Variants in ADAMTSL1 observed in about 807,000 individuals in gnomAD.
The protein encoded by ADAMTSL1 is ADAMTS like 1.
In ADAMTSL1, 126 loss-of-function variants were observed where a neutral mutation model predicts 201.8. That is an observed-to-expected ratio of 0.62 (90% CI 0.54 to 0.72). ADAMTSL1 has a LOEUF of 0.72. Ranked by LOEUF, ADAMTSL1 falls within the 30% of genes least tolerant of loss-of-function variation. The pLI is 0.00. For synonymous variants in ADAMTSL1, 1,121 were observed against 903.4 expected (o/e 1.24, Z -4.32); for missense variants, 2,679 against 2,277.8 (o/e 1.18, Z -3.59).
At chr9:17,941,131 T>C (rs1373726091) in intron 1 of ADAMTSL1, among the ~76,000 whole-genome samples, 1 of 152,086 alleles carries the variant, frequency 6.6e-6, no homozygotes, top group Non-Finnish European at 1.5e-5. Flanking sequence ...GTTCTGAGGC[T>C]AAGCATGTTT....
intron 1 of ADAMTSL1, among the ~76,000 whole-genome samples, chr9:18,011,905 G>A (rs1011087277): frequency 6.6e-6 from 1 of 152,026 alleles, no homozygotes; most frequent in African/African-American, 2.4e-5. Flanking sequence ...AGCAATCGAA[G>A]AGAGTTGCCG....
intron 1 of ADAMTSL1, among the ~76,000 whole-genome samples, chr9:17,966,126 A>G (rs1006742815): frequency 4.6e-5 from 7 of 152,144 alleles, no homozygotes; most frequent in African/African-American, 1.7e-4. Flanking sequence ...AGCTTCTTGG[A>G]TAGATCCAGA....
Position 18,775,916 on chromosome 9 carries a change from G to T in ADAMTSL1, c.2551+20G>T. 1.9e-6 allele frequency: 3 copies of T among 1,576,358 alleles called. No individual in the cohort carries two copies. The highest frequency in any genetic ancestry group is 4.7e-5 in the East Asian group (2 of 42,952). On this transcript the variant is annotated intron_variant, in intron 18 of 28. Coordinates refer to ENST00000380548, the MANE Select transcript of ADAMTSL1 (RefSeq NM_001040272.6). ...GTGCAAGTAAGTATGTCAGGGCTCT[G>T]GGAATGGGGAGATGAAACCCACACA...
chr9:18,194,299 C>T (rs112368602), intron 2 of ADAMTSL1, among the ~76,000 whole-genome samples: 63 of 152,020 alleles, frequency 4.1e-4, no homozygotes, highest in African/African-American at 1.5e-3. Flanking sequence ...TATTTACAGG[C>T]AGAAAGGAAG....
intron 1 of ADAMTSL1, among the ~76,000 whole-genome samples, chr9:18,009,322 C>G (rs568852542): frequency 2.0e-5 from 3 of 152,016 alleles, no homozygotes; most frequent in African/African-American, 4.8e-5. Context: ...GGCTTGTCAT[C>G]CATTCTCTGG....
intron 2 of ADAMTSL1, among the ~76,000 whole-genome samples, chr9:18,387,848 T>G (rs10124682): frequency 0.97 from 146,952 of 152,152 alleles, 71,183 homozygotes; most frequent in East Asian, 1. Flanking sequence ...TTTTTTGTTT[T>G]ATCTATCTAT....
chr9:18,062,469 A>G (rs909704634), intron 1 of ADAMTSL1, among the ~76,000 whole-genome samples: 1 of 152,300 alleles, frequency 6.6e-6, no homozygotes, highest in East Asian at 1.9e-4. Context: ...AAATTATACA[A>G]TAATCAATTA....
chr9:18,887,902 A>T lies in ADAMTSL1; in HGVS notation c.4321A>T (p.Thr1441Ser), dbSNP rs778696904. Residue 1441 changes from threonine (T) to serine (S), a missense_variant, in exon 24 of 29, where the codon ACA (threonine) becomes TCA (serine). By Grantham distance (58) the Thr-to-Ser change is moderately conservative. Coordinates refer to ENST00000380548, the MANE Select transcript of ADAMTSL1 (RefSeq NM_001040272.6). ...TGGTGGTCAGCCAATTGTCACTGCC[A>T]CAGGACTGACGCATCACATCTTGGC... ...FHGGQPIVTA[T>S]GLTHHILAAG... is the part of the protein sequence containing the mutation. The T allele has an allele frequency of 1.9e-6, 3 of 1,613,896 alleles. No homozygotes were observed. In the African/African-American group the frequency reaches 4.0e-5, roughly 22 times the overall value.
At chr9:18,727,675 T>C (rs2507117) in intron 15 of ADAMTSL1, among the ~76,000 whole-genome samples, 125,318 of 152,240 alleles carry the variant, frequency 0.82, 51,849 homozygotes, top group Admixed American at 0.89. Context: ...CTAAAATGTT[T>C]ATTTTTCCTA....
At chr9:18,391,773 G>A (rs1417602646) in intron 2 of ADAMTSL1, among the ~76,000 whole-genome samples, 1 of 146,568 alleles carries the variant, frequency 6.8e-6, no homozygotes, top group Admixed American at 6.8e-5. Context: ...ATGATTTTTT[G>A]TTGTTGTTGT....
intron 19 of ADAMTSL1, among the ~76,000 whole-genome samples, chr9:18,782,988 G>T (rs542335149): frequency 1.6e-4 from 24 of 152,276 alleles, no homozygotes; most frequent in Middle Eastern, 6.8e-3. Context: ...ACTACAGGAA[G>T]AATTTGGAGG....
chr9:18,559,371 T>G (rs1342123581), intron 3 of ADAMTSL1, among the ~76,000 whole-genome samples: 1 of 152,212 alleles, frequency 6.6e-6, no homozygotes, highest in Non-Finnish European at 1.5e-5. Context: ...TCTATATATC[T>G]GTTTTGGTAC....
chr9:17,989,451 A>C (rs1819062611), intron 1 of ADAMTSL1, among the ~76,000 whole-genome samples: 1 of 151,984 alleles, frequency 6.6e-6, no homozygotes, highest in Non-Finnish European at 1.5e-5. Flanking sequence ...AGAGTGTTTT[A>C]AAAAATCACT....
At position 18,777,681 on chromosome 9, in the gene ADAMTSL1, G is replaced by C. The variant is rs747017223; in HGVS notation, c.3452G>C (p.Gly1151Ala). ...FSSSLRTSST[G>A]DAGGGSRRPH... ...AGCTCCCTGCGGACCTCCTCCACCG[G>C]GGACGCCGGGGGAGGCTCTCGAAGG... The change falls in exon 19 of 29, where the codon GGG becomes GCG. Residue 1151 changes from glycine to alanine, a missense_variant. By Grantham distance (60) the Gly-to-Ala change is moderately conservative. Transcript: ENST00000380548. The C allele has an allele frequency of 8.7e-6, 14 of 1,613,296 alleles. No individual in the cohort carries two copies. In the African/African-American group the frequency reaches 1.9e-4, roughly 22 times the overall value.
At chr9:18,800,055 G>T (rs1822686262) in intron 20 of ADAMTSL1, among the ~76,000 whole-genome samples, 1 of 152,032 alleles carries the variant, frequency 6.6e-6, no homozygotes, top group Non-Finnish European at 1.5e-5. Context: ...GGCTAACAAA[G>T]GAAGATTTGC....
At chr9:18,390,771 C>T (rs1183224212) in intron 2 of ADAMTSL1, among the ~76,000 whole-genome samples, 1 of 151,852 alleles carries the variant, frequency 6.6e-6, no homozygotes. Flanking sequence ...TTCTAGCATA[C>T]AGATAAATAC....
At chr9:18,890,900 G>A (rs1241724071) in intron 25 of ADAMTSL1, 1 of 264,944 alleles carries the variant, frequency 3.8e-6, no homozygotes, top group African/African-American at 2.3e-5. Flanking sequence ...TTGATTTGGT[G>A]ATGGTCAGAG....
intron 15 of ADAMTSL1, among the ~76,000 whole-genome samples, chr9:18,734,418 A>G (rs73417118): frequency 0.04 from 6,065 of 152,148 alleles, 142 homozygotes; most frequent in African/African-American, 0.07. Flanking sequence ...ATCTCCTCCT[A>G]TTTGCTCTAA....
intron 2 of ADAMTSL1, among the ~76,000 whole-genome samples, chr9:18,421,774 T>C (rs987952272): frequency 1.3e-5 from 2 of 152,158 alleles, no homozygotes; most frequent in Admixed American, 6.5e-5. Context: ...GAATGAAGTA[T>C]GAAATAAAAT....
Sources: allele counts gnomAD v4.1 joint callset (sites outside exome capture counted in the v4.1 genomes callset), GRCh38; gene constraint gnomAD v4.1.1; transcripts MANE v1.5; gene names NCBI Gene and HGNC (gene_info 2026-07-23, HGNC 2026-07-21).